Variants in EGFLAM observed in about 807,000 individuals in gnomAD.
EGFLAM encodes the protein pikachurin.
In EGFLAM, 79 loss-of-function variants were observed where a neutral mutation model predicts 113.1. That is an observed-to-expected ratio of 0.70 (90% CI 0.58 to 0.84). The LOEUF (loss-of-function observed/expected upper bound fraction) is 0.84. Among genes scored for constraint, EGFLAM ranks in the 40% least tolerant of loss-of-function variants. The probability of loss-of-function intolerance (pLI) is 0.00; values close to 1 mark genes in which losing one functional copy is unlikely to be tolerated. For synonymous variants in EGFLAM, 504 were observed against 487.6 expected, an observed-to-expected ratio of 1.03 and a Z score of -0.44; for missense variants, 1,265 against 1,291.6, an observed-to-expected ratio of 0.98 and a Z score of 0.32.
At chr5:38,394,248 G>A (rs1740892065) in intron 6 of EGFLAM, among the ~76,000 whole-genome samples, 1 of 151,942 alleles carries the variant, frequency 6.6e-6, no homozygotes, top group Non-Finnish European at 1.5e-5. Context: ...AACGGGGTCA[G>A]CTGTTTTCAC....
intron 14 of EGFLAM, among the ~76,000 whole-genome samples, chr5:38,428,487 T>C (rs754350729): frequency 1.3e-5 from 2 of 152,240 alleles, no homozygotes; most frequent in Non-Finnish European, 2.9e-5. Flanking sequence ...GGGGATTTAA[T>C]TGATTCAATT....
In EGFLAM at chr5:38,460,828, A is replaced by C. The variant is rs1440959312; in HGVS notation, c.2772-2080A>C. The C allele has an allele frequency of 8.5e-5, 13 of 152,216 alleles. No homozygotes were observed. In the East Asian group the frequency reaches 2.1e-3, roughly 25 times the overall value. The allele number at this position is 152,216 out of a possible 1,614,324, so 9.4% of individuals were successfully genotyped here. The stretch of plus-strand genomic sequence containing the variant: ...AGCAGGCTCCAGGGTTAGAGATAGG[A>C]GTGTCAATGAAAAGGAGATTGCCCA... On this transcript the variant is annotated intron_variant, in intron 20 of 21. Transcript: ENST00000322350.
intron 1 of EGFLAM, chr5:38,290,498 G>C (rs926198432): frequency 7.2e-5 from 11 of 152,092 alleles, no homozygotes; most frequent in African/African-American, 2.7e-4. Context: ...TTTAAACCCA[G>C]TCTTGTTCCA....
intron 6 of EGFLAM, chr5:38,403,491 A>G: frequency 4.8e-6 from 1 of 206,734 alleles, no homozygotes; most frequent in Non-Finnish European, 1.0e-5. Flanking sequence ...TTATGAAGTC[A>G]GATAATGGTT....
chr5:38,337,085 A>G (rs1240611754), intron 1 of EGFLAM, among the ~76,000 whole-genome samples: 2 of 152,262 alleles, frequency 1.3e-5, no homozygotes, highest in Admixed American at 6.5e-5. Context: ...AATGTCCCAC[A>G]ATAGGAATAT....
intron 3 of EGFLAM, among the ~76,000 whole-genome samples, chr5:38,349,735 T>C (rs1739563982): frequency 6.6e-6 from 1 of 150,520 alleles, no homozygotes; most frequent in South Asian, 2.1e-4. Flanking sequence ...CCGCTGGGGC[T>C]TCCTGCTCAG....
chr5:38,367,638 C>T (rs776045765), intron 5 of EGFLAM, among the ~76,000 whole-genome samples: 8 of 152,098 alleles, frequency 5.3e-5, no homozygotes, highest in Non-Finnish European at 1.2e-4. Flanking sequence ...AATACATTGC[C>T]AAGATAGCGT....
At chr5:38,438,903 A>T (rs920289876) in intron 17 of EGFLAM, among the ~76,000 whole-genome samples, 11 of 152,248 alleles carry the variant, frequency 7.2e-5, no homozygotes, top group African/African-American at 2.7e-4. Flanking sequence ...ATGCAAAAAC[A>T]CAAATTATAC....
At chr5:38,298,419 G>C (rs1758498401) in intron 1 of EGFLAM, among the ~76,000 whole-genome samples, 1 of 152,094 alleles carries the variant, frequency 6.6e-6, no homozygotes, top group Admixed American at 6.5e-5. Flanking sequence ...TGTACAAATA[G>C]CTCCCTCACT....
chr5:38,365,050 G>C (rs1366766845), intron 5 of EGFLAM, among the ~76,000 whole-genome samples: 1 of 152,126 alleles, frequency 6.6e-6, no homozygotes, highest in South Asian at 2.1e-4. Flanking sequence ...TGGATGTTCT[G>C]TTGTATCCCC....
At chr5:38,431,112 A>C (rs1742172309) in intron 14 of EGFLAM, 65 bp from the exon 15 acceptor site, 5 of 1,379,788 alleles carry the variant, frequency 3.6e-6, no homozygotes, top group East Asian at 2.4e-5. Context: ...TGTACCAGCT[A>C]TCTGGGCATT....
At chr5:38,329,655 C>T (rs528131483) in intron 1 of EGFLAM, among the ~76,000 whole-genome samples, 17 of 152,260 alleles carry the variant, frequency 1.1e-4, no homozygotes, top group South Asian at 6.2e-4. Flanking sequence ...ATTCGTGGTT[C>T]GTCCCCCAGT....
rs1229550678 is a variant in EGFLAM, at chr5:38,409,001, C to T, written c.1249-3C>T. On this transcript the variant is annotated splice_region_variant and splice_polypyrimidine_tract_variant and intron_variant, in intron 9 of 21. Transcript: ENST00000322350. The stretch of plus-strand genomic sequence containing the variant: ...CATGTGGCTTTTGTTTGTATAATCA[C>T]AGGCGGAGGCAGAGGATGGCTTACT... 6.3e-7 allele frequency: 1 copy of T among 1,581,142 alleles called. No homozygotes were observed. Among genetic ancestry groups the T allele is most frequent in the Non-Finnish European group, 8.6e-7 (1 of 1,161,852 alleles).
At chr5:38,341,272 A>T (rs755391617) in intron 3 of EGFLAM, among the ~76,000 whole-genome samples, 16 of 152,238 alleles carry the variant, frequency 1.1e-4, no homozygotes, top group Non-Finnish European at 1.9e-4. Flanking sequence ...AATGACTCAC[A>T]GTTCTGCATG....
intron 6 of EGFLAM, among the ~76,000 whole-genome samples, chr5:38,374,657 G>T (rs1422066414): frequency 6.6e-6 from 1 of 152,196 alleles, no homozygotes; most frequent in East Asian, 1.9e-4. Flanking sequence ...TTCCTAAACC[G>T]TAATTTCTAA....
At chr5:38,370,639 G>A (rs1208117332) in intron 6 of EGFLAM, among the ~76,000 whole-genome samples, 177 bp downstream of exon 6, 3 of 152,168 alleles carry the variant, frequency 2.0e-5, no homozygotes, top group East Asian at 3.8e-4. Flanking sequence ...ACAGGGACAC[G>A]GGCTGTTTCT....
At chr5:38,391,410 G>GTGTGTT (rs1554010816) in intron 6 of EGFLAM, among the ~76,000 whole-genome samples, 5,877 of 151,128 alleles carry the variant, frequency 0.039, 152 homozygotes, top group Middle Eastern at 0.068. Context: ...GTGTGTGTGT[G>GTGTGTT]TGTGTGTGAT....
chr5:38,337,555 G>C lies in EGFLAM; in HGVS notation c.133G>C (p.Ala45Pro). 6.2e-7 allele frequency: 1 copy of C among 1,605,834 alleles called. No homozygotes were observed. The highest frequency in any genetic ancestry group is 8.5e-7 in the Non-Finnish European group (1 of 1,175,422). The change falls in exon 2 of 22, where the codon GCA (alanine) becomes CCA (proline). Residue 45 changes from alanine to proline, a missense_variant. Transcript: ENST00000322350. ...VGPPLDIKLG[A>P]LNCTAFSIQW... Reference sequence around the variant, plus strand: ...GCCTCCTCTTGACATCAAGCTGGGCGCATTGAACTGTACGGCTTTCAGCAT... The same window carrying C: ...GCCTCCTCTTGACATCAAGCTGGGCCCATTGAACTGTACGGCTTTCAGCAT...
intron 11 of EGFLAM, among the ~76,000 whole-genome samples, chr5:38,415,863 G>C (rs1245911320): frequency 6.6e-6 from 1 of 152,046 alleles, no homozygotes; most frequent in Non-Finnish European, 1.5e-5. Flanking sequence ...GAGAAGTGCT[G>C]GGCAAACGGG....
Sources: allele counts gnomAD v4.1 joint callset (sites outside exome capture counted in the v4.1 genomes callset), GRCh38; gene constraint gnomAD v4.1.1; transcripts MANE v1.5; gene names NCBI Gene and HGNC (gene_info 2026-07-23, HGNC 2026-07-21).